The following GSK3B variants were observed in gnomAD, a reference collection of about 807,000 sequenced individuals.
GSK3B encodes glycogen synthase kinase 3 beta, also known as glycogen synthase kinase-3 beta.
GSK3B carries 15 observed loss-of-function variants against 56.4 expected under a neutral mutation model. That is an observed-to-expected ratio of 0.27 (90% CI 0.18 to 0.41). The LOEUF is 0.41. Ranked by LOEUF, GSK3B falls within the 10% of genes least tolerant of loss-of-function variation. The probability of loss-of-function intolerance (pLI) is 1.00; values close to 1 mark genes in which losing one functional copy is unlikely to be tolerated. For missense variants in GSK3B, 300 were observed against 513.4 expected, an observed-to-expected ratio of 0.58 and a Z score of 4.02; for synonymous variants, 181 against 188.9, an observed-to-expected ratio of 0.96 and a Z score of 0.34.
intron 1 of GSK3B, among the ~76,000 whole-genome samples, chr3:120,009,786 T>C (rs1295196576): frequency 6.6e-6 from 1 of 151,960 alleles, no homozygotes; most frequent in East Asian, 1.9e-4. Flanking sequence ...CATGTATACC[T>C]ATATAACAAA....
chr3:119,981,714 C>T (rs1187529965), intron 2 of GSK3B, among the ~76,000 whole-genome samples: 2 of 152,270 alleles, frequency 1.3e-5, no homozygotes, highest in Non-Finnish European at 2.9e-5. Flanking sequence ...GCAGAGCCCA[C>T]CACAGCTCAA....
chr3:120,058,535 C>A (rs1482267636), intron 1 of GSK3B, among the ~76,000 whole-genome samples: 3 of 151,862 alleles, frequency 2.0e-5, no homozygotes, highest in Non-Finnish European at 4.4e-5. Context: ...ATGCAGTAAT[C>A]TTTAGCATGT....
At chr3:120,004,765 C>G (rs909706563) in intron 1 of GSK3B, among the ~76,000 whole-genome samples, 1 of 152,130 alleles carries the variant, frequency 6.6e-6, no homozygotes, top group Non-Finnish European at 1.5e-5. Context: ...AAACCCCATA[C>G]GTAGGCCACC....
chr3:119,903,580 A>T (rs535521225), intron 7 of GSK3B, among the ~76,000 whole-genome samples: 74 of 152,328 alleles, frequency 4.9e-4, no homozygotes, highest in African/African-American at 1.8e-3. Context: ...AAAATGAATT[A>T]CAAGGACTAA....
chr3:119,841,219 A>C (rs1171194574), intron 10 of GSK3B, among the ~76,000 whole-genome samples: 1 of 152,162 alleles, frequency 6.6e-6, no homozygotes, highest in East Asian at 1.9e-4. Flanking sequence ...AATTATTATT[A>C]TTTTTCAGTT....
At chr3:119,873,288 T>A (rs1236853020) in intron 8 of GSK3B, among the ~76,000 whole-genome samples, 1 of 152,138 alleles carries the variant, frequency 6.6e-6, no homozygotes, top group Non-Finnish European at 1.5e-5. Flanking sequence ...TACCTCAATG[T>A]TTCCACAAAA....
chr3:119,877,406 T>C (rs923226480), intron 7 of GSK3B, among the ~76,000 whole-genome samples: 2 of 152,204 alleles, frequency 1.3e-5, no homozygotes, highest in Non-Finnish European at 2.9e-5. Flanking sequence ...TAGGTTATTA[T>C]AATACTTAAC....
chr3:119,964,306 A>C (rs531762550), intron 2 of GSK3B, among the ~76,000 whole-genome samples: 1 of 152,364 alleles, frequency 6.6e-6, no homozygotes, highest in East Asian at 1.9e-4. Context: ...TTAGGGTCTC[A>C]AAAAGATACC....
At chr3:119,831,401 T>C (rs1280000576) in intron 10 of GSK3B, among the ~76,000 whole-genome samples, 6 of 152,180 alleles carry the variant, frequency 3.9e-5, no homozygotes, top group African/African-American at 1.4e-4. Context: ...CTCATGACTG[T>C]AATCCCAGCA....
intron 7 of GSK3B, among the ~76,000 whole-genome samples, chr3:119,899,058 T>C (rs1332345481): frequency 2.6e-5 from 4 of 152,080 alleles, no homozygotes; most frequent in Admixed American, 1.3e-4. Context: ...AGGAGGATCA[T>C]CTGCTTGGAA....
chr3:120,026,554 A>ACACACAC (rs1559881737), intron 1 of GSK3B, among the ~76,000 whole-genome samples: 331 of 64,258 alleles, frequency 5.2e-3, no homozygotes, highest in Non-Finnish European at 6.9e-3. Flanking sequence ...CACACACACA[A>ACACACAC]ACACACACAC....
intron 2 of GSK3B, among the ~76,000 whole-genome samples, chr3:119,994,943 A>T: frequency 6.6e-6 from 1 of 152,144 alleles, no homozygotes; most frequent in East Asian, 1.9e-4. Context: ...ATGTGGTTAC[A>T]TAAGCGAATG....
At chr3:119,951,401 G>A (rs556416647) in intron 2 of GSK3B, among the ~76,000 whole-genome samples, 16 of 152,280 alleles carry the variant, frequency 1.1e-4, no homozygotes, top group African/African-American at 3.6e-4. Flanking sequence ...GTGAAACCCA[G>A]TCTCTACTAA....
intron 10 of GSK3B, among the ~76,000 whole-genome samples, chr3:119,831,440 A>G (rs2055596644): frequency 6.6e-6 from 1 of 152,012 alleles, no homozygotes; most frequent in Admixed American, 6.6e-5. Flanking sequence ...GGCGGATCAC[A>G]AAGTCAGGAG....
chr3:119,982,232 G>A (rs928925069), intron 2 of GSK3B, among the ~76,000 whole-genome samples: 5 of 152,150 alleles, frequency 3.3e-5, no homozygotes, highest in African/African-American at 7.2e-5. Context: ...AAGAACGAAG[G>A]TAGATAAAAC....
chr3:119,876,300 TG>T (rs1440722370), intron 8 of GSK3B, 112 bp downstream of exon 8: 4 of 660,574 alleles, frequency 6.1e-6, no homozygotes, highest in Non-Finnish European at 8.2e-6. Context: ...TATCTTTACA[TG>T]CAGAACTGCT....
At chr3:119,871,538 T>C (rs554789872) in intron 8 of GSK3B, among the ~76,000 whole-genome samples, 79 of 152,214 alleles carry the variant, frequency 5.2e-4, no homozygotes, top group Non-Finnish European at 1.9e-4. Flanking sequence ...TGGTAGGTAC[T>C]ATAGGAGTTA....
At chr3:119,910,355 A>G (rs975176048) in intron 6 of GSK3B, among the ~76,000 whole-genome samples, 3 of 152,050 alleles carry the variant, frequency 2.0e-5, no homozygotes, top group Non-Finnish European at 4.4e-5. Flanking sequence ...AAGTCTCACC[A>G]ATTTTCTGGT....
At chr3:119,883,849 A>T (rs1355864776) in intron 7 of GSK3B, among the ~76,000 whole-genome samples, 1 of 152,154 alleles carries the variant, frequency 6.6e-6, no homozygotes, top group Admixed American at 6.6e-5. Flanking sequence ...AGTAGTTGTG[A>T]AAAATCTTGA....
Sources: gnomAD v4.1 joint callset for allele counts (sites outside exome capture counted in the v4.1 genomes callset) on GRCh38, gnomAD v4.1.1 for gene constraint, MANE v1.5 for transcripts, NCBI Gene and HGNC (gene_info 2026-07-23, HGNC 2026-07-21) for gene names.